The following MYRFL variants were observed in gnomAD, a reference collection of about 807,000 sequenced individuals.
MYRFL encodes the protein myelin regulatory factor-like protein.
A neutral mutation model predicts 109.4 loss-of-function variants in MYRFL; 88 were observed. That is an observed-to-expected ratio of 0.80 (90% CI 0.68 to 0.96). The LOEUF (loss-of-function observed/expected upper bound fraction) is 0.96. Ranked by LOEUF, MYRFL falls within the 40% of genes least tolerant of loss-of-function variation. The pLI, the probability that MYRFL is intolerant of heterozygous loss-of-function variation, is 0.00. For synonymous variants in MYRFL, 324 were observed against 320.9 expected, an observed-to-expected ratio of 1.01 and a Z score of -0.10; for missense variants, 957 against 954.9, an observed-to-expected ratio of 1.00 and a Z score of -0.03.
chr12:69,908,697 C>T (rs11177959), intron 11 of MYRFL, among the ~76,000 whole-genome samples: 4,588 of 152,232 alleles, frequency 0.03, 99 homozygotes, highest in Middle Eastern at 0.075. Context: ...TATATGATTA[C>T]GTATGTATCT....
Position 69,936,139 on chromosome 12 carries a change from T to C in MYRFL, c.1943T>C (p.Ile648Thr). The C allele has an allele frequency of 4.3e-6, 5 of 1,174,348 alleles. No homozygotes were observed. The highest frequency in any genetic ancestry group is 5.8e-6 in the Non-Finnish European group (5 of 865,534). 72.7% of individuals were successfully genotyped at this position (1,174,348 alleles called of 1,614,324 possible). A position where few individuals can be genotyped will look rare whatever the true frequency, so the allele number is the denominator to read the frequency against. Residue 648 changes from isoleucine to threonine, a missense_variant, in exon 17 of 25, where the codon ATA becomes ACA. By Grantham distance (89) the Ile-to-Thr change is moderately conservative. Coordinates refer to ENST00000552032, the MANE Select transcript of MYRFL (RefSeq NM_182530.3). ...GCTTTGACGATAGTTGCCCTCTATATACTTAGCTTAAAAGATCAAGACCGA... is the reference window on the plus strand; with the variant it reads ...GCTTTGACGATAGTTGCCCTCTATACACTTAGCTTAAAAGATCAAGACCGA... ...FCALTIVALY[I>T]LSLKDQDRRV... is the part of the protein sequence containing the mutation.
chr12:69,880,973 T>G (rs1179307676), intron 5 of MYRFL, among the ~76,000 whole-genome samples: 8 of 148,232 alleles, frequency 5.4e-5, no homozygotes, highest in African/African-American at 2.0e-4. Context: ...TTTTTTTGTC[T>G]TATATAACGT....
At chr12:69,861,698 T>C (rs1220916954) in intron 2 of MYRFL, among the ~76,000 whole-genome samples, 60 of 152,236 alleles carry the variant, frequency 3.9e-4, no homozygotes, top group Non-Finnish European at 5.9e-5. Flanking sequence ...TTTTGTAGGT[T>C]GCCTGTTCAC....
At chr12:69,917,859 A>T (rs941388622) in intron 13 of MYRFL, among the ~76,000 whole-genome samples, 1 of 151,988 alleles carries the variant, frequency 6.6e-6, no homozygotes, top group Admixed American at 6.6e-5. Flanking sequence ...TGAGGAAAAG[A>T]TAAGGTCAAT....
chr12:69,855,137 C>T, intron 1 of MYRFL, 143 bp from the exon 2 acceptor site: 1 of 465,074 alleles, frequency 2.2e-6, no homozygotes, highest in Non-Finnish European at 3.8e-6. Context: ...TCAATGTTTA[C>T]TTTGTGCCTC....
Position 69,868,510 on chromosome 12 carries a change from C to G in MYRFL, c.138-10518C>G, listed in dbSNP as rs183441590. On this transcript the variant is annotated intron_variant, in intron 2 of 24. Transcript: ENST00000552032. The stretch of plus-strand genomic sequence containing the variant: ...ATGAGACACACATGCAAAGGGTTAG[C>G]ATGGTGCCTGGCTCAGAGTAGGTTC... Among the ~76,000 whole-genome samples, 4 of 152,226 alleles carry G rather than the reference C, an allele frequency of 2.6e-5. No individual in the cohort carries two copies. In the East Asian group the frequency reaches 7.7e-4, roughly 29 times the overall value.
At chr12:69,932,741 G>A (rs1436271727) in intron 16 of MYRFL, 143 bp downstream of exon 16, 5 of 609,946 alleles carry the variant, frequency 8.2e-6, no homozygotes, top group Non-Finnish European at 1.4e-5. Context: ...TGATAGCATA[G>A]AAATGAGGGA....
At chr12:69,826,020 C>T (rs1404016893) in intron 1 of MYRFL, among the ~76,000 whole-genome samples, 2 of 152,038 alleles carry the variant, frequency 1.3e-5, no homozygotes, top group South Asian at 2.1e-4. Flanking sequence ...GATCAGTCAG[C>T]AGCACATCGA....
chr12:69,829,803 G>A (rs1211189971), intron 1 of MYRFL, among the ~76,000 whole-genome samples: 1 of 152,110 alleles, frequency 6.6e-6, no homozygotes, highest in Non-Finnish European at 1.5e-5. Context: ...TCTCTAAAAT[G>A]TGAAAACAAC....
In MYRFL at chr12:69,897,195, A is replaced by C. The variant is rs1954024028; in HGVS notation, c.1131A>C (p.Gln377His). The change falls in exon 10 of 25, where the codon CAA (glutamine) becomes CAC (histidine). Residue 377 changes from glutamine to histidine, a missense_variant. Transcript: ENST00000552032. ...MLVVGLYAAN[Q>H]DQFYLLSAHI... ...TGGTTGGACTGTATGCTGCTAACCA[A>C]GACCAGTTCTATCTGTTGTCTGCCC... is the stretch of plus-strand genomic sequence containing the variant. 1 of 1,535,736 alleles carries C rather than the reference A, an allele frequency of 6.5e-7. No homozygotes were observed. The highest frequency in any genetic ancestry group is 1.4e-5 in the African/African-American group (1 of 73,034).
At chr12:69,839,658 A>G (rs1883137429) in intron 1 of MYRFL, among the ~76,000 whole-genome samples, 1 of 152,232 alleles carries the variant, frequency 6.6e-6, no homozygotes, top group South Asian at 2.1e-4. Context: ...AGGGATAATA[A>G]TAGTACCTAT....
At chr12:69,839,623 C>T (rs73335887) in intron 1 of MYRFL, among the ~76,000 whole-genome samples, 95 of 152,206 alleles carry the variant, frequency 6.2e-4, no homozygotes, top group African/African-American at 2.2e-3. Context: ...TACTTAAGCT[C>T]GCTAAGACAA....
chr12:69,912,400 C>T (rs558141980), intron 13 of MYRFL, among the ~76,000 whole-genome samples: 1 of 152,166 alleles, frequency 6.6e-6, no homozygotes, highest in Non-Finnish European at 1.5e-5. Context: ...ACCATCACCA[C>T]CATCCATCTC....
At chr12:69,840,366 C>G (rs916224230) in intron 1 of MYRFL, among the ~76,000 whole-genome samples, 1 of 152,174 alleles carries the variant, frequency 6.6e-6, no homozygotes, top group East Asian at 1.9e-4. Flanking sequence ...CTCCCAGGTA[C>G]AAATTCACCT....
At chr12:69,906,219 G>A (rs1473548645) in intron 11 of MYRFL, among the ~76,000 whole-genome samples, 2 of 152,184 alleles carry the variant, frequency 1.3e-5, no homozygotes, top group African/African-American at 2.4e-5. Flanking sequence ...AAGTCCTGGT[G>A]GGGGAGATCT....
intron 1 of MYRFL, among the ~76,000 whole-genome samples, chr12:69,837,329 C>T (rs1883007271): frequency 6.6e-6 from 1 of 152,146 alleles, no homozygotes; most frequent in Non-Finnish European, 1.5e-5. Flanking sequence ...CACAAACTGG[C>T]CACTGGCTAC....
chr12:69,947,073 T>C (rs1047088782), intron 19 of MYRFL: 1 of 152,268 alleles, frequency 6.6e-6, no homozygotes, highest in African/African-American at 2.4e-5. Flanking sequence ...TTCAAGGTAC[T>C]GTATAACACC....
intron 19 of MYRFL, among the ~76,000 whole-genome samples, chr12:69,944,067 C>T (rs1955753151): frequency 6.6e-6 from 1 of 150,706 alleles, no homozygotes; most frequent in Admixed American, 6.6e-5. Context: ...GAAATAGGAA[C>T]ACTTTTACAC....
intron 15 of MYRFL, among the ~76,000 whole-genome samples, chr12:69,928,239 G>A (rs1468932998): frequency 6.6e-6 from 1 of 152,216 alleles, no homozygotes. Context: ...AATAAAGAAA[G>A]CATTTATTAA....
Sources: allele counts gnomAD v4.1 joint callset (sites outside exome capture counted in the v4.1 genomes callset), GRCh38; gene constraint gnomAD v4.1.1; transcripts MANE v1.5; gene names NCBI Gene and HGNC (gene_info 2026-07-23, HGNC 2026-07-21).